The following ANXA4 variants were observed in gnomAD, a reference collection of about 807,000 sequenced individuals.
ANXA4 encodes annexin A4.
In ANXA4, 39 loss-of-function variants were observed where a neutral mutation model predicts 49.8. The observed-to-expected ratio is 0.78, with a 90% CI of 0.61 to 1.02. The LOEUF (loss-of-function observed/expected upper bound fraction) is 1.02. ANXA4 is among the 50% of genes least tolerant of loss of function. ANXA4 has a pLI of 0.00. For missense variants in ANXA4, 360 were observed against 410.1 expected (o/e 0.88, Z 1.05); for synonymous variants, 134 against 152.5 (o/e 0.88, Z 0.89).
intron 2 of ANXA4, among the ~76,000 whole-genome samples, chr2:69,787,520 G>A (rs1406373315): frequency 1.3e-5 from 2 of 152,176 alleles, no homozygotes; most frequent in African/African-American, 2.4e-5. Flanking sequence ...GGCTCTAGAG[G>A]CTTGACTGGA....
chr2:69,737,362 A>G (rs10168474), upstream of ANXA4, among the ~76,000 whole-genome samples: 5 of 152,180 alleles, frequency 3.3e-5, no homozygotes, highest in African/African-American at 1.2e-4. Flanking sequence ...TTCTCAAAAT[A>G]TATAATTGAA....
intron 2 of ANXA4, among the ~76,000 whole-genome samples, chr2:69,707,207 A>G (rs1045446348): frequency 4.6e-5 from 7 of 152,108 alleles, no homozygotes; most frequent in African/African-American, 1.4e-4. Context: ...TGTCTGATAG[A>G]CCCTAGCCAT....
chr2:69,685,778 A>G (rs993087451), intron 2 of ANXA4, among the ~76,000 whole-genome samples: 2 of 152,214 alleles, frequency 1.3e-5, no homozygotes, highest in South Asian at 4.1e-4. Flanking sequence ...TGCCAAAAAA[A>G]CTAAGATTTT....
At chr2:69,793,123 G>A (rs898118695) in intron 3 of ANXA4, among the ~76,000 whole-genome samples, 16 of 152,018 alleles carry the variant, frequency 1.1e-4, no homozygotes, top group South Asian at 6.2e-4. Flanking sequence ...GTGGTGGCGC[G>A]TGCCTGTAAT....
intron 3 of ANXA4, among the ~76,000 whole-genome samples, chr2:69,725,040 T>G (rs1455791314): frequency 1.6e-4 from 25 of 152,180 alleles, no homozygotes; most frequent in Non-Finnish European, 1.5e-5. Flanking sequence ...GCCTGTCTCC[T>G]TTTCTTCTCC....
chr2:69,706,642 A>G (rs1283736773), intron 2 of ANXA4, among the ~76,000 whole-genome samples: 1 of 151,942 alleles, frequency 6.6e-6, no homozygotes, highest in Non-Finnish European at 1.5e-5. Context: ...CATTTCTGGA[A>G]CCTCACTGGG....
chr2:69,809,302 G>C (rs1009507095), intron 6 of ANXA4: 6 of 152,194 alleles, frequency 3.9e-5, no homozygotes, highest in African/African-American at 1.4e-4. Flanking sequence ...TGTGGGAAGT[G>C]TTCAGAGCAG....
chr2:69,816,052 C>T, intron 8 of ANXA4, 49 bp from the exon 9 acceptor site: 1 of 1,460,996 alleles, frequency 6.8e-7, no homozygotes, highest in Non-Finnish European at 9.6e-7. Context: ...TGCCTGTGTC[C>T]TGGCACATCG....
At position 69,749,167 on chromosome 2, in the gene ANXA4, A is replaced by G. The variant is rs544801562; in HGVS notation, c.-47+6992A>G. On this transcript the variant is annotated intron_variant, in intron 1 of 12. Transcript: ENST00000394295. ...CACAGAACAGACAATGGTTTGTGAC[A>G]AAAGTCCATCCAGGTGTGTTGACAG... 3.3e-5 allele frequency among the ~76,000 whole-genome samples: 5 copies of G among 152,334 alleles called. No individual in the cohort carries two copies. In the South Asian group the frequency reaches 1.0e-3, roughly 32 times the overall value.
At chr2:69,704,138 T>C (rs1678417478) in intron 2 of ANXA4, among the ~76,000 whole-genome samples, 1 of 152,344 alleles carries the variant, frequency 6.6e-6, no homozygotes, top group African/African-American at 2.4e-5. Context: ...ATTGAATTGA[T>C]AGATTAAATA....
intron 2 of ANXA4, chr2:69,700,044 GAAATGTGTAGAAAGACAA>G (rs1325077606): frequency 6.6e-6 from 1 of 152,172 alleles, no homozygotes; most frequent in Non-Finnish European, 1.5e-5. Flanking sequence ...AAAAACTGAA[GAAATGTGTAGAAAGACAA>G]AAATAAGACT....
intron 1 of ANXA4, among the ~76,000 whole-genome samples, chr2:69,752,460 A>G (rs550682320): frequency 6.6e-6 from 1 of 151,686 alleles, no homozygotes; most frequent in Non-Finnish European, 1.5e-5. Flanking sequence ...GAGAAACATG[A>G]CTCCTTGCTT....
chr2:69,699,211 G>T (rs1247639207), intron 2 of ANXA4, among the ~76,000 whole-genome samples: 2 of 152,194 alleles, frequency 1.3e-5, no homozygotes, highest in Non-Finnish European at 2.9e-5. Flanking sequence ...TAAACTGGTG[G>T]CAGAGCCAGG....
chr2:69,820,618 A>C (rs1212086510), intron 11 of ANXA4, 81 bp from the exon 12 acceptor site: 1 of 1,532,466 alleles, frequency 6.5e-7, no homozygotes, highest in Non-Finnish European at 8.9e-7. Context: ...AGTCATCTCT[A>C]GTCTTGCTTT....
chr2:69,672,145 A>G (rs189035986), intron 2 of ANXA4, among the ~76,000 whole-genome samples: 2 of 152,220 alleles, frequency 1.3e-5, no homozygotes, highest in Non-Finnish European at 2.9e-5. Context: ...TGGGATATTC[A>G]TGAACCACAG....
In ANXA4 at chr2:69,825,460, A is replaced by G; in HGVS notation, c.911A>G (p.Asp304Gly). 1 of 1,607,678 alleles carries G rather than the reference A, an allele frequency of 6.2e-7. No individual in the cohort carries two copies. The highest frequency in any genetic ancestry group is 8.5e-7 in the Non-Finnish European group (1 of 1,177,304). ...CTTTGCTTCCCTATCGAACAGGGTG[A>G]CACATCTGGAGACTACAGGAAAGTA... Reference protein sequence around the residue: ...GKSLYSFIKGDTSGDYRKVLL... With the variant: ...GKSLYSFIKGGTSGDYRKVLL... The change falls in exon 13 of 13, where the codon GAC becomes GGC. Residue 304 changes from aspartate to glycine, a missense_variant. Asp to Gly is a moderately conservative substitution (Grantham distance 94). Coordinates refer to ENST00000394295, the MANE Select transcript of ANXA4 (RefSeq NM_001153.5).
At chr2:69,737,441 C>G (rs1670273380), upstream of ANXA4, among the ~76,000 whole-genome samples, 1 of 152,158 alleles carries the variant, frequency 6.6e-6, no homozygotes, top group Non-Finnish European at 1.5e-5. Flanking sequence ...CTTATCCTTT[C>G]TTATTTCTTT....
chr2:69,824,662 G>A (rs1022444492), intron 12 of ANXA4, among the ~76,000 whole-genome samples: 5 of 152,074 alleles, frequency 3.3e-5, no homozygotes, highest in African/African-American at 7.2e-5. Flanking sequence ...TTGAAACAAC[G>A]TAAATATCCA....
At chr2:69,807,765 A>G in intron 5 of ANXA4, 141 bp from the exon 6 acceptor site, 1 of 677,100 alleles carries the variant, frequency 1.5e-6, no homozygotes, top group Non-Finnish European at 2.5e-6. Flanking sequence ...GTGGGACAAT[A>G]AAAGTGAACA....
Sources: allele counts gnomAD v4.1 joint callset (sites outside exome capture counted in the v4.1 genomes callset), GRCh38; gene constraint gnomAD v4.1.1; transcripts MANE v1.5; gene names NCBI Gene and HGNC (gene_info 2026-07-23, HGNC 2026-07-21).